Variants in PCDH9 observed in about 807,000 individuals in gnomAD.
PCDH9 encodes the protein protocadherin 9, also known as protocadherin-9.
A neutral mutation model predicts 70.6 loss-of-function variants in PCDH9; 24 were observed. That is an observed-to-expected ratio of 0.34 (90% CI 0.25 to 0.48). The LOEUF (loss-of-function observed/expected upper bound fraction) is 0.48. Among genes scored for constraint, PCDH9 ranks in the 20% least tolerant of loss-of-function variants. PCDH9 has a pLI of 0.99. For synonymous variants in PCDH9, 562 were observed against 558.5 expected, an observed-to-expected ratio of 1.01 and a Z score of -0.09; for missense variants, 1,281 against 1,503.6, an observed-to-expected ratio of 0.85 and a Z score of 2.45.
At chr13:66,690,991 A>G (rs2078476331) in intron 3 of PCDH9, among the ~76,000 whole-genome samples, 1 of 152,126 alleles carries the variant, frequency 6.6e-6, no homozygotes, top group African/African-American at 2.4e-5. Flanking sequence ...TAAATAATGT[A>G]TTTTACCTAA....
intron 2 of PCDH9, chr13:67,203,245 A>T (rs558843896): frequency 2.0e-5 from 3 of 152,276 alleles, no homozygotes; most frequent in Admixed American, 6.5e-5. Context: ...ATTGGCTAAC[A>T]AATTTATTGA....
chr13:66,625,539 TATA>T (rs1454636837), intron 4 of PCDH9, among the ~76,000 whole-genome samples: 2 of 152,190 alleles, frequency 1.3e-5, no homozygotes, highest in Admixed American at 6.5e-5. Context: ...TAAACACAAA[TATA>T]ATTTTACACA....
In PCDH9 at chr13:67,110,135, C is replaced by T. The variant is rs933816942; in HGVS notation, c.3036+115270G>A. Among the ~76,000 whole-genome samples the T allele has an allele frequency of 6.6e-5, 10 of 151,704 alleles. No individual in the cohort carries two copies. In the East Asian group the frequency reaches 1.2e-3, roughly 18 times the overall value. On this transcript the variant is annotated intron_variant, in intron 2 of 4. Transcript: ENST00000377865. ...AGTAAGCTGACATTTTTAAAAAGTC[C>T]TCATAATCTAGGTTTAAGCTCATCA...
chr13:67,183,999 T>C (rs1373515757), intron 2 of PCDH9, among the ~76,000 whole-genome samples: 1 of 152,242 alleles, frequency 6.6e-6, no homozygotes, highest in Non-Finnish European at 1.5e-5. Context: ...CATTGATTCT[T>C]CTGTTAAAAG....
At chr13:67,130,187 A>G (rs2087078009) in intron 2 of PCDH9, among the ~76,000 whole-genome samples, 1 of 152,172 alleles carries the variant, frequency 6.6e-6, no homozygotes, top group African/African-American at 2.4e-5. Context: ...TGCACACACA[A>G]AGAAACAGGA....
At chr13:66,530,727 T>C (rs796275546) in intron 4 of PCDH9, among the ~76,000 whole-genome samples, 6 of 151,992 alleles carry the variant, frequency 3.9e-5, no homozygotes, top group African/African-American at 1.4e-4. Flanking sequence ...AGTAAGATGA[T>C]AGTAAAAAAA....
rs113949424 is a variant in PCDH9 at position 66,660,550 on chromosome 13, C to G, written c.3139-29139G>C. 4.5e-3 allele frequency among the ~76,000 whole-genome samples: 685 copies of G among 152,216 alleles called. 2 individuals are homozygous for G. Among genetic ancestry groups the G allele is most frequent in the South Asian group, 9.7e-3 (47 of 4,824 alleles). Reference sequence around the variant, plus strand: ...CTTCTTTGCAGTAAAAATCAAACTTCTTTGGTTGATGTTTTTTCTTAAATT... The same window carrying G: ...CTTCTTTGCAGTAAAAATCAAACTTGTTTGGTTGATGTTTTTTCTTAAATT... On this transcript the variant is annotated intron_variant, in intron 3 of 4. Transcript: ENST00000377865.
chr13:66,451,830 CT>C (rs1440066570), intron 4 of PCDH9, among the ~76,000 whole-genome samples: 1 of 152,108 alleles, frequency 6.6e-6, no homozygotes, highest in Non-Finnish European at 1.5e-5. Flanking sequence ...TGTGATATTC[CT>C]TTTTCACTAG....
At chr13:66,903,804 AC>A (rs2082315389) in intron 2 of PCDH9, among the ~76,000 whole-genome samples, 199 bp from the exon 3 acceptor site, 1 of 152,026 alleles carries the variant, frequency 6.6e-6, no homozygotes, top group Admixed American at 6.6e-5. Context: ...AATTGTTAAA[AC>A]ACTTTTACTA....
At chr13:66,605,938 T>C (rs1432159942) in intron 4 of PCDH9, among the ~76,000 whole-genome samples, 1 of 152,098 alleles carries the variant, frequency 6.6e-6, no homozygotes, top group Non-Finnish European at 1.5e-5. Context: ...ACAGGGACAC[T>C]TGCCTCCTCA....
chr13:66,580,950 T>C (rs1425205818), intron 4 of PCDH9, among the ~76,000 whole-genome samples: 3 of 152,116 alleles, frequency 2.0e-5, no homozygotes, highest in Non-Finnish European at 4.4e-5. Context: ...ATGGCGTTAT[T>C]TCTAGCCACG....
intron 3 of PCDH9, among the ~76,000 whole-genome samples, chr13:66,696,703 C>T (rs1007759373): frequency 6.6e-5 from 10 of 151,816 alleles, no homozygotes; most frequent in South Asian, 2.1e-4. Flanking sequence ...CATTTTACCA[C>T]TAATTTGTAC....
At chr13:67,083,002 A>G (rs1443037222) in intron 2 of PCDH9, among the ~76,000 whole-genome samples, 3 of 152,208 alleles carry the variant, frequency 2.0e-5, no homozygotes, top group Non-Finnish European at 4.4e-5. Context: ...AATAGACCAC[A>G]TAAGTATTCA....
chr13:66,832,399 C>T (rs905850154), intron 3 of PCDH9, among the ~76,000 whole-genome samples: 1 of 152,042 alleles, frequency 6.6e-6, no homozygotes, highest in African/African-American at 2.4e-5. Flanking sequence ...TTTTTCCCTA[C>T]ATTTTATCTT....
intron 4 of PCDH9, among the ~76,000 whole-genome samples, chr13:66,360,267 T>C (rs1956447756): frequency 6.6e-6 from 1 of 150,886 alleles, no homozygotes; most frequent in South Asian, 2.1e-4. Flanking sequence ...TTGCAAAAAG[T>C]TGACGTCCAC....
intron 4 of PCDH9, among the ~76,000 whole-genome samples, chr13:66,372,383 G>A (rs1270679141): frequency 6.6e-6 from 1 of 151,692 alleles, no homozygotes; most frequent in African/African-American, 2.4e-5. Context: ...GAGAGAGAGC[G>A]AGAGTAAGTA....
chr13:66,527,025 TG>T (rs1468310173), intron 4 of PCDH9, among the ~76,000 whole-genome samples: 2 of 152,292 alleles, frequency 1.3e-5, no homozygotes, highest in East Asian at 3.9e-4. Flanking sequence ...AGTAATATTT[TG>T]GGGATTTCTA....
intron 2 of PCDH9, among the ~76,000 whole-genome samples, chr13:67,042,353 A>G (rs1206047273): frequency 6.6e-6 from 1 of 152,154 alleles, no homozygotes; most frequent in African/African-American, 2.4e-5. Flanking sequence ...AGGAAGACAA[A>G]GGAGAAACAA....
At chr13:66,357,522 G>A (rs923880274) in intron 4 of PCDH9, among the ~76,000 whole-genome samples, 9 of 151,928 alleles carry the variant, frequency 5.9e-5, no homozygotes, top group Non-Finnish European at 1.3e-4. Context: ...GAACTAGCAG[G>A]ATGTCAAATC....
Sources: allele counts gnomAD v4.1 joint callset (sites outside exome capture counted in the v4.1 genomes callset), GRCh38; gene constraint gnomAD v4.1.1; transcripts MANE v1.5; gene names NCBI Gene and HGNC (gene_info 2026-07-23, HGNC 2026-07-21).